The following RUVBL2 variants were observed in gnomAD, a reference collection of about 807,000 sequenced individuals.
RUVBL2 encodes ruvB-like 2.
In RUVBL2, 9 loss-of-function variants were observed where a neutral mutation model predicts 57.9. That is an observed-to-expected ratio of 0.16 (90% CI 0.09 to 0.27). RUVBL2 has a LOEUF of 0.27. Among genes scored for constraint, RUVBL2 ranks in the 10% least tolerant of loss-of-function variants. RUVBL2 has a pLI of 1.00. For missense variants in RUVBL2, 456 were observed against 669.6 expected, an observed-to-expected ratio of 0.68 and a Z score of 3.52; for synonymous variants, 278 against 264.6, an observed-to-expected ratio of 1.05 and a Z score of -0.49.
intron 11 of RUVBL2, among the ~76,000 whole-genome samples, chr19:49,012,546 T>C (rs2039449243): frequency 6.6e-6 from 1 of 152,166 alleles, no homozygotes; most frequent in African/African-American, 2.4e-5. Context: ...CAGCCCTGAT[T>C]GTTCGTAGAC....
At chr19:49,010,467 T>TTCCCCC in intron 8 of RUVBL2, 21 bp from the exon 9 acceptor site, 1 of 1,401,208 alleles carries the variant, frequency 7.1e-7, no homozygotes. Context: ...CCGCCGTTCT[T>TTCCCCC]CCCCCACCCC....
chr19:48,997,627 T>TG (rs2039088257), intron 1 of RUVBL2, among the ~76,000 whole-genome samples: 1 of 96,660 alleles, frequency 1.0e-5, no homozygotes, highest in Non-Finnish European at 1.9e-5. Context: ...AGACTATGTC[T>TG]CAAAAAAAAA....
At chr19:49,007,453 C>G in intron 6 of RUVBL2, 85 bp downstream of exon 6, 1 of 1,242,646 alleles carries the variant, frequency 8.0e-7, no homozygotes, top group East Asian at 2.4e-5. Flanking sequence ...GCACTGAGGT[C>G]AGAATCCCAT....
intron 4 of RUVBL2, 36 bp downstream of exon 4, chr19:49,004,454 C>T: frequency 3.8e-6 from 6 of 1,584,776 alleles, no homozygotes; most frequent in Non-Finnish European, 5.2e-6. Flanking sequence ...TCTCCTGTTT[C>T]CTGCTAAATA....
At chr19:48,998,020 C>T (rs1211151350) in intron 1 of RUVBL2, among the ~76,000 whole-genome samples, 1 of 152,174 alleles carries the variant, frequency 6.6e-6, no homozygotes, top group Non-Finnish European at 1.5e-5. Context: ...GAGAACAGGC[C>T]GTGCCCTTCA....
At position 49,011,183 on chromosome 19, in the gene RUVBL2, C is replaced by T. The variant is rs1218474148; in HGVS notation, c.883-9C>T. 3 of 1,613,344 alleles carry T rather than the reference C, an allele frequency of 1.9e-6. No homozygotes were observed. Among genetic ancestry groups the T allele is most frequent in the Non-Finnish European group, 2.5e-6 (3 of 1,179,614 alleles). ...CGGGTGGTGACTCTCACACACACCC[C>T]AATCCAAGGTGCTGTTCATCGACGA... On this transcript the variant is annotated splice_polypyrimidine_tract_variant and intron_variant, in intron 10 of 14. Coordinates refer to ENST00000595090, the MANE Select transcript of RUVBL2 (RefSeq NM_006666.3). This position sits in a 1 kb window ranked among gnomAD's most constrained non-coding sequence, Gnocchi z 4.4.
chr19:48,997,820 G>C (rs1272121031), intron 1 of RUVBL2, among the ~76,000 whole-genome samples: 1 of 151,906 alleles, frequency 6.6e-6, no homozygotes, highest in Non-Finnish European at 1.5e-5. Flanking sequence ...GTGGACCTCT[G>C]GGGGGGTCCT....
chr19:48,998,564 C>G, intron 1 of RUVBL2, among the ~76,000 whole-genome samples: 1 of 151,632 alleles, frequency 6.6e-6, no homozygotes, highest in East Asian at 1.9e-4. Context: ...AAAAAATTAG[C>G]CAAGTGTGGT....
intron 4 of RUVBL2, among the ~76,000 whole-genome samples, chr19:49,005,112 C>A (rs75952023): frequency 4.6e-5 from 7 of 152,136 alleles, no homozygotes; most frequent in African/African-American, 1.7e-4. Context: ...TGTTCCTCTT[C>A]TTCCTTGTTG....
At chr19:48,998,717 GA>G (rs1048739224) in intron 1 of RUVBL2, among the ~76,000 whole-genome samples, 76 of 116,660 alleles carry the variant, frequency 6.5e-4, no homozygotes, top group East Asian at 1.9e-3. Flanking sequence ...CAAAAAATAA[GA>G]AAAAAAAAAA....
At chr19:48,998,194 C>T (rs748662687) in intron 1 of RUVBL2, among the ~76,000 whole-genome samples, 2 of 152,148 alleles carry the variant, frequency 1.3e-5, no homozygotes, top group African/African-American at 4.8e-5. Flanking sequence ...AAGGGCCTCC[C>T]CTAGGGGGCA....
intron 4 of RUVBL2, among the ~76,000 whole-genome samples, chr19:49,005,646 T>C (rs147216491): frequency 6.6e-6 from 1 of 152,072 alleles, no homozygotes; most frequent in African/African-American, 2.4e-5. Context: ...CTTCATTTTT[T>C]TTTTTTTTTG....
At chr19:49,010,467 T>TGGCCG in intron 8 of RUVBL2, 21 bp from the exon 9 acceptor site, 1 of 1,401,204 alleles carries the variant, frequency 7.1e-7, no homozygotes, top group Non-Finnish European at 9.9e-7. Context: ...CCGCCGTTCT[T>TGGCCG]CCCCCACCCC....
chr19:49,010,604 C>T lies in RUVBL2; in HGVS notation c.780C>T (p.Leu260=), dbSNP rs2039397986. ...INSRTQGFLA[L]FSGDTGEIKS... ...CTCGCACCCAGGGCTTCCTGGCGCT[C>T]TTCTCAGGTGAGGCCCCTCCTGCCC... Residue 260 remains leucine, a synonymous_variant, in exon 9 of 15, where the codon CTC becomes CTT. Transcript: ENST00000595090. 3 of 1,613,730 alleles carry T rather than the reference C, an allele frequency of 1.9e-6. No homozygotes were observed. The highest frequency in any genetic ancestry group is 2.2e-5 in the East Asian group (1 of 44,846).
At chr19:48,998,553 A>G (rs1281052435) in intron 1 of RUVBL2, among the ~76,000 whole-genome samples, 1 of 151,468 alleles carries the variant, frequency 6.6e-6, no homozygotes, top group East Asian at 1.9e-4. Context: ...TAAAAATACA[A>G]AAAAAATTAG....
rs2039374449 is a variant in RUVBL2 at position 49,009,957 on chromosome 19, C to T, written c.570-16C>T. On this transcript the variant is annotated splice_polypyrimidine_tract_variant and intron_variant, in intron 7 of 14. Coordinates refer to ENST00000595090, the MANE Select transcript of RUVBL2 (RefSeq NM_006666.3). ...GGCCCATTCCTTTCCTTACCCTACC[C>T]CCCATCCCCCTGTAGGGACGTGATC... 3 of 1,607,962 alleles carry T rather than the reference C, an allele frequency of 1.9e-6. No homozygotes were observed. Among genetic ancestry groups the T allele is most frequent in the Middle Eastern group, 1.7e-4 (1 of 6,026 alleles).
In RUVBL2 at chr19:49,014,208, G is replaced by C. The variant is rs1006289980; in HGVS notation, c.1002-276G>C. Among the ~76,000 whole-genome samples the C allele has an allele frequency of 6.6e-5, 10 of 152,206 alleles. No individual in the cohort carries two copies. In the South Asian group the frequency reaches 1.9e-3, roughly 28 times the overall value. ...CCCCTCCTTTGTGAAGCTTTGTGTC[G>C]AGCACGGGAGTGGGACCTTGATCCA... On this transcript the variant is annotated intron_variant, in intron 11 of 14. Coordinates refer to ENST00000595090, the MANE Select transcript of RUVBL2 (RefSeq NM_006666.3).
intron 11 of RUVBL2, among the ~76,000 whole-genome samples, chr19:49,013,022 G>A (rs534209803): frequency 6.6e-6 from 1 of 152,338 alleles, no homozygotes; most frequent in East Asian, 1.9e-4. Flanking sequence ...GGAGTGCAGT[G>A]GCACGATCTC....
At chr19:49,015,472 C>G (rs2039527667) in intron 13 of RUVBL2, 100 bp from the exon 14 acceptor site, 2 of 977,658 alleles carry the variant, frequency 2.0e-6, no homozygotes, top group Non-Finnish European at 3.3e-6. Context: ...CCTCACATGC[C>G]ACACTCTGCT....
Sources: allele counts gnomAD v4.1 joint callset (sites outside exome capture counted in the v4.1 genomes callset), GRCh38; gene constraint gnomAD v4.1.1; non-coding constraint Gnocchi (gnomAD v3.1); transcripts MANE v1.5; gene names NCBI Gene and HGNC (gene_info 2026-07-23, HGNC 2026-07-21).